PARD3B: variants seen among roughly 807,000 people sequenced by gnomAD.
The protein encoded by PARD3B is par-3 family cell polarity regulator beta.
A neutral mutation model predicts 130.2 loss-of-function variants in PARD3B; 103 were observed. The ratio of observed to expected loss-of-function variants is 0.79; its 90% confidence interval spans 0.67 to 0.93. The LOEUF is 0.93. Among genes scored for constraint, PARD3B ranks in the 40% least tolerant of loss-of-function variants. The pLI is 0.00. For synonymous variants in PARD3B, 583 were observed against 553.2 expected, an observed-to-expected ratio of 1.05 and a Z score of -0.76; for missense variants, 1,609 against 1,499.2, an observed-to-expected ratio of 1.07 and a Z score of -1.21.
At chr2:205,134,240 C>T (rs528536954) in intron 10 of PARD3B, among the ~76,000 whole-genome samples, 25 of 151,944 alleles carry the variant, frequency 1.6e-4, no homozygotes, top group South Asian at 4.2e-4. Context: ...ATCAGAAATA[C>T]GACTGGGTGT....
intron 1 of PARD3B, among the ~76,000 whole-genome samples, chr2:204,613,750 T>C (rs558723199): frequency 1.3e-5 from 2 of 152,262 alleles, no homozygotes; most frequent in East Asian, 3.9e-4. Context: ...CTTTTAAGCA[T>C]AGCTATTGTA....
intron 22 of PARD3B, among the ~76,000 whole-genome samples, chr2:205,569,491 C>T (rs1017658848): frequency 9.9e-5 from 15 of 152,202 alleles, no homozygotes; most frequent in African/African-American, 3.4e-4. Context: ...ATGCTTTGAA[C>T]ATCCATGTCA....
At chr2:204,929,972 C>A (rs1403184819) in intron 2 of PARD3B, among the ~76,000 whole-genome samples, 1 of 151,914 alleles carries the variant, frequency 6.6e-6, no homozygotes, top group Non-Finnish European at 1.5e-5. Context: ...TATCTATTTA[C>A]TTGTAGTCTA....
intron 4 of PARD3B, among the ~76,000 whole-genome samples, chr2:205,049,984 A>G (rs1445892842): frequency 6.6e-6 from 1 of 152,004 alleles, no homozygotes; most frequent in African/African-American, 2.4e-5. Flanking sequence ...TCAGTTGTAA[A>G]ATAATCTCCA....
At chr2:204,731,913 C>G (rs1329793628) in intron 2 of PARD3B, among the ~76,000 whole-genome samples, 2 of 152,064 alleles carry the variant, frequency 1.3e-5, no homozygotes, top group African/African-American at 2.4e-5. Context: ...CCTGAACTCT[C>G]TAACACCCGT....
intron 21 of PARD3B, among the ~76,000 whole-genome samples, chr2:205,543,875 A>G (rs901318585): frequency 6.6e-6 from 1 of 152,198 alleles, no homozygotes; most frequent in African/African-American, 2.4e-5. Flanking sequence ...TTTGGTCTTT[A>G]TAAATGGAAG....
intron 18 of PARD3B, among the ~76,000 whole-genome samples, chr2:205,331,806 G>A (rs4675516): frequency 0.07 from 3,029 of 43,036 alleles, 12 homozygotes; most frequent in African/African-American, 0.11. Context: ...AAAAAAAAAA[G>A]AAGTAGAGCA....
chr2:205,275,170 C>A (rs998127646), intron 16 of PARD3B, among the ~76,000 whole-genome samples: 2 of 151,220 alleles, frequency 1.3e-5, no homozygotes, highest in East Asian at 3.9e-4. Flanking sequence ...AGGCTTCTTT[C>A]GGTGCCCTGT....
chr2:205,066,750 A>T (rs887986973), intron 4 of PARD3B, among the ~76,000 whole-genome samples: 12 of 152,088 alleles, frequency 7.9e-5, no homozygotes, highest in Admixed American at 2.6e-4. Flanking sequence ...GCTTTTTTTC[A>T]TTTTGACGGT....
intron 3 of PARD3B, among the ~76,000 whole-genome samples, chr2:205,019,423 T>C (rs1696427057): frequency 6.6e-6 from 1 of 152,192 alleles, no homozygotes; most frequent in Admixed American, 6.5e-5. Context: ...CTTTAGCTAT[T>C]ATGAATAGTG....
intron 20 of PARD3B, among the ~76,000 whole-genome samples, chr2:205,494,198 C>T (rs879737463): frequency 2.0e-5 from 3 of 152,158 alleles, no homozygotes; most frequent in Admixed American, 1.3e-4. Flanking sequence ...GAAAACAACA[C>T]GAAAACAGAA....
chr2:205,298,591 G>A (rs895003695), intron 16 of PARD3B, among the ~76,000 whole-genome samples: 1 of 151,868 alleles, frequency 6.6e-6, no homozygotes, highest in Non-Finnish European at 1.5e-5. Context: ...TACATTAATA[G>A]CCAGTAGGGT....
chr2:205,417,679 A>G (rs185622604), intron 19 of PARD3B, among the ~76,000 whole-genome samples: 14 of 152,140 alleles, frequency 9.2e-5, no homozygotes, highest in Admixed American at 2.0e-4. Context: ...CTCTCTTTGC[A>G]TCTCATCCTC....
chr2:205,589,130 A>G lies in PARD3B; in HGVS notation c.3261-26326A>G, dbSNP rs568445041. Among the ~76,000 whole-genome samples, 1 of 152,190 alleles carries G rather than the reference A, an allele frequency of 6.6e-6. No individual in the cohort carries two copies. The highest frequency in any genetic ancestry group is 1.5e-5 in the Non-Finnish European group (1 of 68,044). Reference sequence around the variant, plus strand: ...TGGCAAAACCCCATTTCTACAAAAAATACAGATATTAACTGAGCATATTGG... The same window carrying G: ...TGGCAAAACCCCATTTCTACAAAAAGTACAGATATTAACTGAGCATATTGG... On this transcript the variant is annotated intron_variant, in intron 22 of 22. Coordinates refer to ENST00000406610, the MANE Select transcript of PARD3B (RefSeq NM_001302769.2). The surrounding 1 kb of genome is among the most constrained non-coding windows in gnomAD (Gnocchi z 4.1).
At chr2:204,795,680 G>T (rs970469066) in intron 2 of PARD3B, among the ~76,000 whole-genome samples, 3 of 152,168 alleles carry the variant, frequency 2.0e-5, no homozygotes, top group African/African-American at 7.2e-5. Flanking sequence ...AACTGAGCCT[G>T]CCAAGCAACA....
At chr2:204,550,412 C>CTCTGTGTG (rs562241721) in intron 1 of PARD3B, among the ~76,000 whole-genome samples, 2 of 144,300 alleles carry the variant, frequency 1.4e-5, no homozygotes, top group Non-Finnish European at 3.0e-5. Flanking sequence ...GGAGGGCTGA[C>CTCTGTGTG]TGTGTGTGTG....
intron 1 of PARD3B, among the ~76,000 whole-genome samples, chr2:204,590,705 AACTT>A (rs1318407302): frequency 1.3e-5 from 2 of 152,198 alleles, no homozygotes; most frequent in African/African-American, 4.8e-5. Flanking sequence ...TAGTTAGCAG[AACTT>A]ACTTTAGAAG....
intron 21 of PARD3B, among the ~76,000 whole-genome samples, chr2:205,535,017 ACAGAGG>A (rs2051780217): frequency 6.6e-6 from 1 of 152,178 alleles, no homozygotes; most frequent in Non-Finnish European, 1.5e-5. Context: ...TTTCCAGTCT[ACAGAGG>A]GGTGTATACA....
At chr2:205,070,705 G>T (rs149096923) in intron 4 of PARD3B, among the ~76,000 whole-genome samples, 3 of 152,002 alleles carry the variant, frequency 2.0e-5, no homozygotes, top group Non-Finnish European at 4.4e-5. Flanking sequence ...TGATTATTGG[G>T]TTAAGGTGGT....
Sources: gnomAD v4.1 joint callset for allele counts (sites outside exome capture counted in the v4.1 genomes callset) on GRCh38, gnomAD v4.1.1 for gene constraint, Gnocchi (gnomAD v3.1) non-coding constraint, MANE v1.5 for transcripts, NCBI Gene and HGNC (gene_info 2026-07-23, HGNC 2026-07-21) for gene names.